The following RARB variants were observed in gnomAD, a reference collection of about 807,000 sequenced individuals.
The protein encoded by RARB is retinoic acid receptor beta, also known as HBV-activated protein.
Under a neutral mutation model 51.9 loss-of-function variants are expected in RARB, and 17 were observed. The ratio of observed to expected loss-of-function variants is 0.33; its 90% CI spans 0.22 to 0.49. The LOEUF (loss-of-function observed/expected upper bound fraction) is 0.49. Among genes scored for constraint, RARB ranks in the 20% least tolerant of loss-of-function variants. The pLI is 0.99. For missense variants in RARB, 369 were observed against 550.8 expected (o/e 0.67, Z 3.30); for synonymous variants, 215 against 195.4 (o/e 1.10, Z -0.84).
At chr3:25,036,899 T>G (rs1698006842) in intron 2 of RARB, among the ~76,000 whole-genome samples, 1 of 152,176 alleles carries the variant, frequency 6.6e-6, no homozygotes, top group Non-Finnish European at 1.5e-5. Context: ...ATTGAGTTTT[T>G]TCTTCTAACC....
intron 3 of RARB, among the ~76,000 whole-genome samples, chr3:25,524,223 C>T (rs1213869766): frequency 2.0e-5 from 3 of 152,088 alleles, no homozygotes; most frequent in Non-Finnish European, 2.9e-5. Context: ...GGTAGTTAAC[C>T]GACAGTTCTA....
At chr3:25,049,103 C>T (rs1265206200) in intron 2 of RARB, among the ~76,000 whole-genome samples, 3 of 152,156 alleles carry the variant, frequency 2.0e-5, no homozygotes, top group Non-Finnish European at 4.4e-5. Context: ...GCCCCTGATA[C>T]AGAAAGATGA....
At chr3:24,884,730 A>G (rs1703236870) in intron 2 of RARB, among the ~76,000 whole-genome samples, 1 of 152,142 alleles carries the variant, frequency 6.6e-6, no homozygotes, top group Non-Finnish European at 1.5e-5. Flanking sequence ...ATTGAGTGGA[A>G]TCTCATGTTT....
intron 5 of RARB, among the ~76,000 whole-genome samples, chr3:25,205,086 C>T (rs1701503545): frequency 6.6e-6 from 1 of 152,180 alleles, no homozygotes; most frequent in South Asian, 2.1e-4. Flanking sequence ...GTTCGAGCTT[C>T]CTGGCTGCTT....
chr3:25,086,542 T>G (rs1699108828), intron 3 of RARB, among the ~76,000 whole-genome samples: 1 of 152,190 alleles, frequency 6.6e-6, no homozygotes, highest in African/African-American at 2.4e-5. Flanking sequence ...TGACCGTGGC[T>G]GGTGACACAG....
chr3:24,952,150 G>A (rs1375052456), intron 2 of RARB, among the ~76,000 whole-genome samples: 1 of 152,086 alleles, frequency 6.6e-6, no homozygotes, highest in Non-Finnish European at 1.5e-5. Context: ...TAAGATGGAA[G>A]GATCCTTTGA....
intron 2 of RARB, among the ~76,000 whole-genome samples, chr3:25,051,566 G>A (rs1468482854): frequency 6.8e-6 from 1 of 146,732 alleles, no homozygotes; most frequent in African/African-American, 2.5e-5. Flanking sequence ...ATAGAGCTTC[G>A]TTACCTACAT....
intron 5 of RARB, among the ~76,000 whole-genome samples, chr3:25,384,771 A>AT (rs1438524361): frequency 6.6e-6 from 1 of 152,226 alleles, no homozygotes; most frequent in East Asian, 1.9e-4. Context: ...AGAAAAGAGT[A>AT]TTTTCAGACA....
chr3:25,253,233 G>GT (rs879678836), intron 5 of RARB, among the ~76,000 whole-genome samples: 91 of 152,174 alleles, frequency 6.0e-4, no homozygotes, highest in Middle Eastern at 3.4e-3. Flanking sequence ...ATACACATGT[G>GT]TTTTTTTATT....
intron 3 of RARB, among the ~76,000 whole-genome samples, chr3:25,512,725 G>A (rs1697957521): frequency 6.6e-6 from 1 of 152,208 alleles, no homozygotes; most frequent in Non-Finnish European, 1.5e-5. Context: ...CAAGGAGTGT[G>A]TGTGGGTCAC....
chr3:24,865,414 C>G lies in RARB; in HGVS notation c.-380+6662C>G, dbSNP rs375236371. ...ATGCCAAGCATCTTCAGCATTGACT[C>G]ATTGAATCCTCACAATACCCAGTGT... is the stretch of plus-strand genomic sequence containing the variant. On this transcript the variant is annotated intron_variant, in intron 2 of 11. Transcript: ENST00000383772. Among the ~76,000 whole-genome samples the G allele has an allele frequency of 3.2e-4, 49 of 152,210 alleles. 1 individual carries two copies. The South Asian group carries it at 1.0e-2, about 31-fold the overall frequency.
intron 5 of RARB, among the ~76,000 whole-genome samples, chr3:25,261,626 T>C (rs1244483865): frequency 6.6e-6 from 1 of 152,148 alleles, no homozygotes; most frequent in Non-Finnish European, 1.5e-5. Context: ...GCTATTTGGC[T>C]GGCAGCTGCA....
In RARB at chr3:25,260,452, G is replaced by A. The variant is rs562101258; in HGVS notation, c.178+85877G>A. Among the ~76,000 whole-genome samples, 4 of 152,172 alleles carry A rather than the reference G, an allele frequency of 2.6e-5. No individual in the cohort carries two copies. In the East Asian group the frequency reaches 7.7e-4, roughly 29 times the overall value. ...ATTTGTTCATACTCCTTATTAGTGA[G>A]AGAAGACATTAACAAACCTCCAAAG... is the stretch of plus-strand genomic sequence containing the variant. On this transcript the variant is annotated intron_variant, in intron 5 of 11. Coordinates refer to the RARB transcript ENST00000383772.
In RARB at chr3:25,183,458, C is replaced by T. The variant is rs112185998; in HGVS notation, c.178+8883C>T. 4.2e-3 allele frequency among the ~76,000 whole-genome samples: 643 copies of T among 152,156 alleles called. 3 individuals are homozygous for T. The highest frequency in any genetic ancestry group is 0.015 in the African/African-American group (613 of 41,530). On this transcript the variant is annotated intron_variant, in intron 5 of 11. Transcript: ENST00000383772. ...ACCTCAACATGTTCTCTTTAATATT[C>T]ATTTTATTCTTCATTTTAAAACCTT... is the stretch of plus-strand genomic sequence containing the variant.
At chr3:25,207,419 C>G (rs1180996966) in intron 5 of RARB, among the ~76,000 whole-genome samples, 1 of 152,124 alleles carries the variant, frequency 6.6e-6, no homozygotes, top group Non-Finnish European at 1.5e-5. Context: ...GTAGTCACAT[C>G]TTATCTTTCC....
intron 2 of RARB, among the ~76,000 whole-genome samples, chr3:24,965,713 G>A (rs958214058): frequency 4.6e-5 from 7 of 152,244 alleles, no homozygotes; most frequent in Non-Finnish European, 8.8e-5. Flanking sequence ...ATGTTGAGAG[G>A]ATGCCTGCTA....
intron 5 of RARB, among the ~76,000 whole-genome samples, chr3:25,203,684 C>G (rs1227556388): frequency 6.6e-6 from 1 of 152,158 alleles, no homozygotes; most frequent in Non-Finnish European, 1.5e-5. Flanking sequence ...TTCCCCTTCA[C>G]TTATGAAGCT....
At chr3:25,440,945 A>G (rs1406148887) in intron 1 of RARB, among the ~76,000 whole-genome samples, 1 of 152,162 alleles carries the variant, frequency 6.6e-6, no homozygotes, top group Non-Finnish European at 1.5e-5. Flanking sequence ...TCACACGCAA[A>G]TGAAGATGGA....
At chr3:24,890,398 T>A (rs1874054) in intron 2 of RARB, among the ~76,000 whole-genome samples, 1 of 152,164 alleles carries the variant, frequency 6.6e-6, no homozygotes, top group Admixed American at 6.5e-5. Context: ...TCACATTGAC[T>A]ATATCTCAGG....
Sources: gnomAD v4.1 joint callset for allele counts (sites outside exome capture counted in the v4.1 genomes callset) on GRCh38, gnomAD v4.1.1 for gene constraint, MANE v1.5 for transcripts, NCBI Gene and HGNC (gene_info 2026-07-23, HGNC 2026-07-21) for gene names.